The following EPHA8 variants were observed in gnomAD, a reference collection of about 807,000 sequenced individuals.
EPHA8 encodes ephrin type-A receptor 8.
EPHA8 carries 58 observed loss-of-function variants against 103.6 expected under a neutral mutation model. That is an observed-to-expected ratio of 0.56 (90% CI 0.45 to 0.70). The LOEUF (loss-of-function observed/expected upper bound fraction) is 0.70, where lower values mean the gene tolerates loss of function less well. EPHA8 is among the 30% of genes least tolerant of loss of function. The pLI is 0.00. For missense variants in EPHA8, 1,304 were observed against 1,395.2 expected, an observed-to-expected ratio of 0.93 and a Z score of 1.04; for synonymous variants, 559 against 572.5, an observed-to-expected ratio of 0.98 and a Z score of 0.34.
intron 3 of EPHA8, among the ~76,000 whole-genome samples, chr1:22,585,099 TAAAAG>T (rs1469482951): frequency 1.3e-5 from 2 of 148,438 alleles, no homozygotes; most frequent in East Asian, 2.0e-4. Flanking sequence ...AAATTAATCT[TAAAAG>T]AGGAGCTCAG....
At chr1:22,586,420 T>A in intron 3 of EPHA8, 60 bp from the exon 4 acceptor site, 1 of 1,581,294 alleles carries the variant, frequency 6.3e-7, no homozygotes, top group South Asian at 1.2e-5. Flanking sequence ...GTGTGAGCGG[T>A]CCCCAAGGCC....
chr1:22,598,285 A>G lies in EPHA8; in HGVS notation c.2178+73A>G. 6.8e-7 allele frequency: 1 copy of G among 1,472,434 alleles called. No individual in the cohort carries two copies. The highest frequency in any genetic ancestry group is 1.2e-5 in the South Asian group (1 of 85,672). 91.2% of individuals were successfully genotyped at this position (1,472,434 alleles called of 1,614,324 possible). A position where few individuals can be genotyped will look rare whatever the true frequency, so the allele number is the denominator to read the frequency against. On this transcript the variant is annotated intron_variant, in intron 12 of 16. Transcript: ENST00000166244. The surrounding 1 kb of genome is among the most constrained non-coding windows in gnomAD (Gnocchi z 5.1). ...CAGTCTGGGTGCTGGGAGATAGTGCAAAGCCCTCTAAGCCCCCTCCCTGGC... is the reference window on the plus strand; with the variant it reads ...CAGTCTGGGTGCTGGGAGATAGTGCGAAGCCCTCTAAGCCCCCTCCCTGGC...
At chr1:22,581,331 T>C (rs1042177541) in intron 3 of EPHA8, among the ~76,000 whole-genome samples, 10 of 152,208 alleles carry the variant, frequency 6.6e-5, no homozygotes, top group Non-Finnish European at 1.0e-4. Flanking sequence ...GGCCGGTGCA[T>C]ACGCACTCAG....
chr1:22,579,118 CGTGTATGTGTGCATGTGTGT>C (rs1199568961), intron 3 of EPHA8, among the ~76,000 whole-genome samples: 9 of 90,710 alleles, frequency 9.9e-5, no homozygotes, highest in Non-Finnish European at 2.0e-4. Flanking sequence ...TGCATGTGTA[CGTGTATGTGTGCATGTGTGT>C]GTGCATATGT....
chr1:22,583,454 G>A (rs1166648393), intron 3 of EPHA8, among the ~76,000 whole-genome samples: 1 of 152,206 alleles, frequency 6.6e-6, no homozygotes, highest in African/African-American at 2.4e-5. Context: ...TGGGAGGACG[G>A]GGGGAAAGGC....
intron 3 of EPHA8, among the ~76,000 whole-genome samples, chr1:22,585,658 G>T (rs369053766): frequency 7.9e-5 from 12 of 152,234 alleles, no homozygotes; most frequent in Non-Finnish European, 1.3e-4. Flanking sequence ...GCAGCTGGGT[G>T]GGGGGAGGCA....
rs149431372 is a variant in EPHA8 at position 22,570,156 on chromosome 1, A to G, written c.159+803A>G. ...CCCTCGATGAACATAGGCTTTTATA[A>G]TGATCATTAACATTGTTACTCACGT... On this transcript the variant is annotated intron_variant, in intron 2 of 16. Coordinates refer to ENST00000166244, the MANE Select transcript of EPHA8 (RefSeq NM_020526.5). Among the ~76,000 whole-genome samples the G allele has an allele frequency of 2.6e-5, 4 of 152,272 alleles. No homozygotes were observed. In the East Asian group the frequency reaches 7.7e-4, roughly 29 times the overall value.
intron 5 of EPHA8, among the ~76,000 whole-genome samples, chr1:22,590,112 C>T (rs1031959597): frequency 6.6e-6 from 1 of 152,184 alleles, no homozygotes; most frequent in Non-Finnish European, 1.5e-5. Flanking sequence ...AAGATTCCCT[C>T]ATTCGACAGC....
At chr1:22,578,081 G>GTGTGTGCATGTAGCGTC in intron 3 of EPHA8, among the ~76,000 whole-genome samples, 1 of 57,818 alleles carries the variant, frequency 1.7e-5, no homozygotes, top group South Asian at 7.2e-4. Flanking sequence ...ATGTATGCAT[G>GTGTGTGCATGTAGCGTC]TGTGTGCATG....
intron 3 of EPHA8, among the ~76,000 whole-genome samples, chr1:22,577,305 C>T (rs1335405576): frequency 6.6e-6 from 1 of 152,192 alleles, no homozygotes; most frequent in Admixed American, 6.5e-5. Flanking sequence ...GTAGGAACTA[C>T]TGTTATCCTG....
chr1:22,579,429 T>C (rs533718180), intron 3 of EPHA8, among the ~76,000 whole-genome samples: 15 of 151,846 alleles, frequency 9.9e-5, no homozygotes, highest in Non-Finnish European at 1.9e-4. Context: ...TGTGCATGTG[T>C]TTGCATGTGT....
chr1:22,578,179 TGTGTGC>T (rs1429764666), intron 3 of EPHA8, among the ~76,000 whole-genome samples: 5 of 106,376 alleles, frequency 4.7e-5, no homozygotes, highest in East Asian at 2.9e-4. Flanking sequence ...TGTGTGCATG[TGTGTGC>T]GTGCATGTGT....
chr1:22,595,231 GC>G lies in EPHA8; in HGVS notation c.1609del (p.Arg537AlafsTer12), dbSNP rs990187328. On this transcript the variant is annotated frameshift_variant and splice_region_variant, in exon 8 of 17. Coordinates refer to ENST00000166244, the MANE Select transcript of EPHA8 (RefSeq NM_020526.5). LOFTEE classifies it high-confidence loss of function. ...CCCAACCCTGGCTTTCCCCTGCAGGGCCCCGCTATGACACCAGGACCATTGT... is the reference window on the plus strand; with the variant it reads ...CCCAACCCTGGCTTTCCCCTGCAGGGCCCGCTATGACACCAGGACCATTGT... ...AMEVETGKPR[P>X]RYDTRTIVWI... 1 of 1,608,456 alleles carries G rather than the reference GC, an allele frequency of 6.2e-7. No homozygotes were observed. Among genetic ancestry groups the G allele is most frequent in the Non-Finnish European group, 8.5e-7 (1 of 1,176,148 alleles).
Position 22,589,233 on chromosome 1 carries a change from C to T in EPHA8, c.1315+27C>T, listed in dbSNP as rs750322468. 23 of 1,613,892 alleles carry T rather than the reference C, an allele frequency of 1.4e-5. No homozygotes were observed. Among genetic ancestry groups the T allele is most frequent in the East Asian group, 6.7e-5 (3 of 44,902 alleles). ...TAGGCGGAGAAACTCCGTCCCGCAG[C>T]GTCCTGGTCCCCCAGCTTCCCCTGC... On this transcript the variant is annotated intron_variant, in intron 5 of 16. Transcript: ENST00000166244. The surrounding 1 kb of genome is among the most constrained non-coding windows in gnomAD (Gnocchi z 4.3).
intron 13 of EPHA8, among the ~76,000 whole-genome samples, chr1:22,600,340 G>A (rs1641688428): frequency 1.3e-5 from 2 of 151,700 alleles, no homozygotes; most frequent in South Asian, 4.2e-4. Flanking sequence ...GGGAAGGGAG[G>A]AGAAAGGAGA....
chr1:22,601,644 G>A lies in EPHA8; in HGVS notation c.2921G>A (p.Gly974Asp), dbSNP rs1273206543. 5.0e-6 allele frequency: 8 copies of A among 1,593,138 alleles called. No individual in the cohort carries two copies. Among genetic ancestry groups the A allele is most frequent in the Non-Finnish European group, 6.0e-6 (7 of 1,170,222 alleles). Residue 974 changes from glycine (G) to aspartate (D), a missense_variant, in exon 17 of 17, where the codon GGC becomes GAC. Physicochemically the swap from Gly to Asp is moderately conservative, Grantham distance 94 (BLOSUM62 -1). Transcript: ENST00000166244. ...RMNAQDVRAL[G>D]ITLMGHQKKI... is the part of the protein sequence containing the mutation. ...CTTCACAGGGACGTGCGCGCCCTGG[G>A]CATCACCCTCATGGGCCACCAGAAG... is the stretch of plus-strand genomic sequence containing the variant.
At chr1:22,571,706 T>A (rs1640548172) in intron 2 of EPHA8, among the ~76,000 whole-genome samples, 1 of 151,950 alleles carries the variant, frequency 6.6e-6, no homozygotes, top group African/African-American at 2.4e-5. Context: ...GCATGCAGAG[T>A]CCCACATCCA....
chr1:22,579,224 T>G (rs1640959933), intron 3 of EPHA8, among the ~76,000 whole-genome samples: 1 of 151,762 alleles, frequency 6.6e-6, no homozygotes, highest in African/African-American at 2.4e-5. Flanking sequence ...TGTGTATGTA[T>G]GCATGTGTGT....
At chr1:22,592,749 T>C (rs1470851075) in intron 5 of EPHA8, among the ~76,000 whole-genome samples, 1 of 150,904 alleles carries the variant, frequency 6.6e-6, no homozygotes, top group Non-Finnish European at 1.5e-5. Context: ...CGTGGCTGTG[T>C]CTGACACCTC....
Sources: allele counts gnomAD v4.1 joint callset (sites outside exome capture counted in the v4.1 genomes callset), GRCh38; gene constraint gnomAD v4.1.1; non-coding constraint Gnocchi (gnomAD v3.1); transcripts MANE v1.5; gene names NCBI Gene and HGNC (gene_info 2026-07-23, HGNC 2026-07-21).